The following RFTN1 variants were observed in gnomAD, a reference collection of about 807,000 sequenced individuals.
The protein encoded by RFTN1 is raftlin, lipid raft linker 1, also known as raftlin.
In RFTN1, 26 loss-of-function variants were observed where a neutral mutation model predicts 46.5. That is an observed-to-expected ratio of 0.56 (90% CI 0.41 to 0.78). The LOEUF is 0.78. RFTN1 is among the 30% of genes least tolerant of loss of function. The pLI is 0.00. For missense variants in RFTN1, 693 were observed against 718.7 expected (o/e 0.96, Z 0.41); for synonymous variants, 261 against 284.2 (o/e 0.92, Z 0.82).
At position 16,345,794 on chromosome 3, in the gene RFTN1, G is replaced by C. The variant is rs969684975; in HGVS notation, c.1146+12138C>G. ...AAAACCTTATAATAAATCTCTGTGTGTGTGTGTGTGTGTGTGTGTGTGTGC... is the reference window on the plus strand; with the variant it reads ...AAAACCTTATAATAAATCTCTGTGTCTGTGTGTGTGTGTGTGTGTGTGTGC... On this transcript the variant is annotated intron_variant, in intron 7 of 9. Transcript: ENST00000334133. This position sits in a 1 kb window ranked among gnomAD's most constrained non-coding sequence, Gnocchi z 5.2. Among the ~76,000 whole-genome samples the C allele has an allele frequency of 1.2e-5, 1 of 81,064 alleles. No homozygotes were observed. Among genetic ancestry groups the C allele is most frequent in the East Asian group, 2.8e-4 (1 of 3,532 alleles). The allele number at this position is 81,064 out of a possible 152,430, so 53.2% of individuals were successfully genotyped here.
intron 2 of RFTN1, among the ~76,000 whole-genome samples, chr3:16,453,231 A>C (rs1318180986): frequency 4.6e-5 from 7 of 152,306 alleles, no homozygotes; most frequent in Non-Finnish European, 5.9e-5. Context: ...TATGCTCTTA[A>C]CCTCTACACT....
rs1559328826 is a variant in RFTN1, at chr3:16,404,298, A to AATATATATTATATATT, written c.441+5076_441+5077insAATATATAATATATAT. On this transcript the variant is annotated intron_variant, in intron 4 of 9. Coordinates refer to ENST00000334133, the MANE Select transcript of RFTN1 (RefSeq NM_015150.2). ...ATAATATGTAATATATAATATATAT[A>AATATATATTATATATT]ATATGTAATATATATTATATATAAT... 4.1e-4 allele frequency among the ~76,000 whole-genome samples: 7 copies of AATATATATTATATATT among 16,960 alleles called. 2 individuals carry two copies. The highest frequency in any genetic ancestry group is 2.5e-3 in the African/African-American group (7 of 2,764). The allele number at this position is 16,960 out of a possible 152,430, so 11.1% of individuals were successfully genotyped here.
At chr3:16,423,167 CA>C (rs78850876) in intron 3 of RFTN1, among the ~76,000 whole-genome samples, 194 of 135,956 alleles carry the variant, frequency 1.4e-3, no homozygotes, top group Non-Finnish European at 1.5e-3. Context: ...GACTCTGTCT[CA>C]AAAAAAAAAA....
intron 3 of RFTN1, among the ~76,000 whole-genome samples, chr3:16,415,397 G>T (rs953162461): frequency 9.2e-6 from 1 of 108,194 alleles, no homozygotes; most frequent in Admixed American, 1.0e-4. Context: ...GAGATGTCTG[G>T]TAGACAGTTG....
Position 16,336,887 on chromosome 3 carries a change from CAT to C in RFTN1, c.1147-10013_1147-10012del, listed in dbSNP as rs2070904931. ...TAATAATTGTTATTATTACATGAAACATATTGTTTGGAAGAATGGTGTCTATT... is the reference window on the plus strand; with the variant it reads ...TAATAATTGTTATTATTACATGAAACATTGTTTGGAAGAATGGTGTCTATT... On this transcript the variant is annotated intron_variant, in intron 7 of 9. Transcript: ENST00000334133. The surrounding 1 kb of genome is among the most constrained non-coding windows in gnomAD (Gnocchi z 6.0). 6.6e-6 allele frequency among the ~76,000 whole-genome samples: 1 copy of C among 152,112 alleles called. No individual in the cohort carries two copies. The highest frequency in any genetic ancestry group is 6.5e-5 in the Admixed American group (1 of 15,270).
intron 4 of RFTN1, among the ~76,000 whole-genome samples, chr3:16,389,121 T>C (rs1388824921): frequency 6.6e-6 from 1 of 152,258 alleles, no homozygotes; most frequent in African/African-American, 2.4e-5. Context: ...TCCTCTGATT[T>C]ACATAGGCTT....
intron 2 of RFTN1, chr3:16,471,996 C>T (rs1382814053): frequency 6.6e-6 from 1 of 152,070 alleles, no homozygotes; most frequent in Non-Finnish European, 1.5e-5. Flanking sequence ...ATGGGGGGGT[C>T]TCGCTGCAGC....
intron 2 of RFTN1, among the ~76,000 whole-genome samples, chr3:16,462,670 GAC>G (rs1292809957): frequency 6.6e-6 from 1 of 152,256 alleles, no homozygotes; most frequent in Admixed American, 6.5e-5. Context: ...CGACTCTGTT[GAC>G]ACATTGATTT....
At position 16,433,762 on chromosome 3, in the gene RFTN1, C is replaced by A. The variant is rs901193918; in HGVS notation, c.332+89G>T. On this transcript the variant is annotated intron_variant, in intron 3 of 9. Transcript: ENST00000334133. This position sits in a 1 kb window ranked among gnomAD's most constrained non-coding sequence, Gnocchi z 4.4. ...CCTGAGGACAGCATGCAAATTTCAACCCCCAACCCCATCCTCTCACTTCCC... is the reference window on the plus strand; with the variant it reads ...CCTGAGGACAGCATGCAAATTTCAAACCCCAACCCCATCCTCTCACTTCCC... 1.4e-5 allele frequency: 20 copies of A among 1,404,076 alleles called. No homozygotes were observed. The East Asian group carries it at 3.9e-4, about 27-fold the overall frequency. The allele number at this position is 1,404,076 out of a possible 1,614,324, so 87.0% of individuals were successfully genotyped here.
At chr3:16,399,029 A>AT (rs1279075859) in intron 4 of RFTN1, among the ~76,000 whole-genome samples, 1 of 152,192 alleles carries the variant, frequency 6.6e-6, no homozygotes, top group Non-Finnish European at 1.5e-5. Flanking sequence ...TTCTGTGCAC[A>AT]TTTTTTAGGG....
chr3:16,497,070 G>A (rs771457782), intron 1 of RFTN1, among the ~76,000 whole-genome samples: 3 of 152,134 alleles, frequency 2.0e-5, no homozygotes, highest in Non-Finnish European at 4.4e-5. Flanking sequence ...GTTACCCTTG[G>A]GAGAACAGTG....
intron 2 of RFTN1, among the ~76,000 whole-genome samples, chr3:16,490,184 T>C (rs1340625824): frequency 6.6e-6 from 1 of 152,168 alleles, no homozygotes; most frequent in Non-Finnish European, 1.5e-5. Flanking sequence ...GCTTGGTCCT[T>C]GCCCTGAGGG....
At chr3:16,416,000 T>TG in intron 3 of RFTN1, 2 of 273,754 alleles carry the variant, frequency 7.3e-6, no homozygotes, top group South Asian at 3.5e-5. Context: ...CTTGGCTCCT[T>TG]GAAAAAAAAA....
At position 16,335,667 on chromosome 3, in the gene RFTN1, G is replaced by A. The variant is rs1261276429; in HGVS notation, c.1147-8791C>T. On this transcript the variant is annotated intron_variant, in intron 7 of 9. Transcript: ENST00000334133. This position sits in a 1 kb window ranked among gnomAD's most constrained non-coding sequence, Gnocchi z 4.7. ...AGAGCATCAGGAAAAATAGCTAATG[G>A]ATGCTGGGCTTCATACCTAGGTGAT... Among the ~76,000 whole-genome samples, 1 of 151,934 alleles carries A rather than the reference G, an allele frequency of 6.6e-6. No individual in the cohort carries two copies. The highest frequency in any genetic ancestry group is 1.5e-5 in the Non-Finnish European group (1 of 68,016).
chr3:16,378,076 C>T lies in RFTN1; in HGVS notation c.468G>A (p.Leu156=). The T allele has an allele frequency of 3.1e-6, 5 of 1,611,280 alleles. No homozygotes were observed. The East Asian group carries it at 6.7e-5, about 22-fold the overall frequency. ...ACTGAGGTATAACACCAACGAATTT[C>T]AGGCCCTGGCTTGCAGCCTCCTGGA... ...KKIQEAASQG[L]KFVGVIPQYH... is the part of the protein sequence containing the mutation. The change falls in exon 5 of 10, where the codon CTG becomes CTA. Residue 156 remains leucine (L), a synonymous_variant. Coordinates refer to ENST00000334133, the MANE Select transcript of RFTN1 (RefSeq NM_015150.2).
At chr3:16,494,714 G>C (rs1474043017) in intron 1 of RFTN1, among the ~76,000 whole-genome samples, 1 of 152,128 alleles carries the variant, frequency 6.6e-6, no homozygotes, top group Non-Finnish European at 1.5e-5. Flanking sequence ...CTGTTTATTT[G>C]GGCAGAATGA....
In RFTN1 at chr3:16,465,104, C is replaced by G. The variant is rs1003292634; in HGVS notation, c.145+28621G>C. Among the ~76,000 whole-genome samples the G allele has an allele frequency of 1.3e-5, 2 of 151,842 alleles. No homozygotes were observed. The highest frequency in any genetic ancestry group is 2.9e-5 in the Non-Finnish European group (2 of 68,006). ...AGTAAGGAAAAGGGAGGTGTCTCAG[C>G]GAACACAATTAAGGGTCTTTCTATT... is the stretch of plus-strand genomic sequence containing the variant. On this transcript the variant is annotated intron_variant, in intron 2 of 9. Transcript: ENST00000334133. The surrounding 1 kb of genome is among the most constrained non-coding windows in gnomAD (Gnocchi z 5.1).
At position 16,317,001 on chromosome 3, in the gene RFTN1, G is replaced by A. The variant is rs1463131783; in HGVS notation, c.1564C>T (p.Pro522Ser). ...CCCACCCCACACAGCAGGCCACCAGGGGACAGCTGTTCTCCCTTGTCCTCT... is the reference window on the plus strand; with the variant it reads ...CCCACCCCACACAGCAGGCCACCAGAGGACAGCTGTTCTCCCTTGTCCTCT... ...VQEDKGEQLS[P>S]GGLLCGVGVE... Residue 522 changes from proline to serine, a missense_variant, in exon 10 of 10, where the codon CCT (proline) becomes TCT (serine). By Grantham distance (74) the Pro-to-Ser change is moderately conservative (BLOSUM62 -1). Transcript: ENST00000334133. This position sits in a 1 kb window ranked among gnomAD's most constrained non-coding sequence, Gnocchi z 4.3. 3.1e-6 allele frequency: 5 copies of A among 1,613,374 alleles called. No individual in the cohort carries two copies. The highest frequency in any genetic ancestry group is 4.2e-6 in the Non-Finnish European group (5 of 1,179,830).
chr3:16,398,660 C>T (rs374757536), intron 4 of RFTN1, among the ~76,000 whole-genome samples: 7 of 152,298 alleles, frequency 4.6e-5, no homozygotes, highest in African/African-American at 1.7e-4. Flanking sequence ...CCCAGGTTGG[C>T]CTACAATCAA....
Sources: gnomAD v4.1 joint callset for allele counts (sites outside exome capture counted in the v4.1 genomes callset) on GRCh38, gnomAD v4.1.1 for gene constraint, Gnocchi (gnomAD v3.1) non-coding constraint, MANE v1.5 for transcripts, NCBI Gene and HGNC (gene_info 2026-07-23, HGNC 2026-07-21) for gene names.